Variants in BTRC observed in about 807,000 individuals in gnomAD.
The protein encoded by BTRC is F-box/WD repeat-containing protein 1A.
BTRC carries 42 observed loss-of-function variants against 85.5 expected under a neutral mutation model. The observed-to-expected ratio is 0.49, with a 90% CI of 0.38 to 0.64. The LOEUF is 0.64. Among genes scored for constraint, BTRC ranks in the 30% least tolerant of loss-of-function variants. The probability of loss-of-function intolerance (pLI) is 0.00; values close to 1 mark genes in which losing one functional copy is unlikely to be tolerated. For synonymous variants in BTRC, 255 were observed against 263.3 expected (o/e 0.97, Z 0.30); for missense variants, 594 against 743.5 (o/e 0.80, Z 2.34).
At chr10:101,429,399 T>C (rs1944339437) in intron 1 of BTRC, among the ~76,000 whole-genome samples, 1 of 152,146 alleles carries the variant, frequency 6.6e-6, no homozygotes, top group Non-Finnish European at 1.5e-5. Flanking sequence ...GAATATACCA[T>C]ATGTATTATA....
chr10:101,510,592 C>T (rs1386858392), intron 4 of BTRC, among the ~76,000 whole-genome samples: 1 of 152,008 alleles, frequency 6.6e-6, no homozygotes, highest in African/African-American at 2.4e-5. Context: ...ATAATATAGA[C>T]TTTTAAAAAA....
At chr10:101,471,491 G>C (rs1443567177) in intron 3 of BTRC, among the ~76,000 whole-genome samples, 2 of 152,090 alleles carry the variant, frequency 1.3e-5, no homozygotes, top group Non-Finnish European at 2.9e-5. Context: ...CTTGATTTTT[G>C]TTAAGAGTTT....
intron 1 of BTRC, among the ~76,000 whole-genome samples, chr10:101,412,609 A>G (rs1166932246): frequency 1.3e-5 from 2 of 152,204 alleles, no homozygotes; most frequent in East Asian, 1.9e-4. Flanking sequence ...CTCATATTAC[A>G]TATTTCTAAT....
upstream of BTRC, chr10:101,354,144 G>A: frequency 1.9e-6 from 3 of 1,547,992 alleles, no homozygotes; most frequent in Non-Finnish European, 2.6e-6. Flanking sequence ...CAAAGGGGCG[G>A]CCCCGGCGGA....
rs555048085 is a variant in BTRC, at chr10:101,511,545, T to TTTTTG, written c.325-10068_325-10064dup. On this transcript the variant is annotated intron_variant, in intron 4 of 14. Coordinates refer to ENST00000370187, the MANE Select transcript of BTRC (RefSeq NM_033637.4). ...CCCAGCTAATTTTTGTATTTTGGGT[T>TTTTTG]TTTTGTTTTGTTTTGTTTTGTTTTG... Among the ~76,000 whole-genome samples, 115 of 147,618 alleles carry TTTTTG rather than the reference T, an allele frequency of 7.8e-4. 1 individual carries two copies. The highest frequency in any genetic ancestry group is 2.2e-3 in the East Asian group (11 of 5,060).
intron 1 of BTRC, among the ~76,000 whole-genome samples, chr10:101,385,228 G>A (rs865993717): frequency 1.8e-4 from 27 of 151,192 alleles, no homozygotes; most frequent in Admixed American, 1.1e-3. Flanking sequence ...TTAGCCGGGC[G>A]TGGTGGCGGG....
intron 1 of BTRC, among the ~76,000 whole-genome samples, chr10:101,398,319 GT>G (rs1564747504): frequency 6.6e-6 from 1 of 150,764 alleles, no homozygotes; most frequent in Non-Finnish European, 1.5e-5. Flanking sequence ...TTCTTTTTTT[GT>G]TTTTTTGAGA....
At chr10:101,420,785 C>G (rs1007967392) in intron 1 of BTRC, among the ~76,000 whole-genome samples, 3 of 151,952 alleles carry the variant, frequency 2.0e-5, no homozygotes, top group African/African-American at 7.3e-5. Flanking sequence ...CTTGATGCCT[C>G]CTTTGCCTGT....
At chr10:101,501,161 C>T (rs1216709260) in intron 4 of BTRC, among the ~76,000 whole-genome samples, 1 of 150,150 alleles carries the variant, frequency 6.7e-6, no homozygotes, top group African/African-American at 2.5e-5. Flanking sequence ...GCACTCCAGC[C>T]TGGGCAACAG....
At chr10:101,525,416 C>CTGT in intron 5 of BTRC, among the ~76,000 whole-genome samples, 1 of 152,160 alleles carries the variant, frequency 6.6e-6, no homozygotes, top group South Asian at 2.1e-4. Flanking sequence ...TAAACCCATT[C>CTGT]TTGAACTTAA....
At position 101,533,030 on chromosome 10, in the gene BTRC, G is replaced by A; in HGVS notation, c.1057G>A (p.Glu353Lys). The change falls in exon 9 of 15, where the codon GAG becomes AAG. Residue 353 changes from glutamate (E) to lysine (K), a missense_variant. This residue lies in a region of BTRC where 373 missense variants were observed against 503.6 expected (regional missense o/e 0.74). Coordinates refer to ENST00000370187, the MANE Select transcript of BTRC (RefSeq NM_033637.4). The stretch of plus-strand genomic sequence containing the variant: ...TTCAGTCCTCTGTCTCCAGTATGAT[G>A]AGAGAGTGATCATAACAGGATCATC... ...TGSVLCLQYD[E>K]RVIITGSSDS... 2.5e-6 allele frequency: 4 copies of A among 1,613,460 alleles called. No individual in the cohort carries two copies. Among genetic ancestry groups the A allele is most frequent in the Non-Finnish European group, 3.4e-6 (4 of 1,179,576 alleles).
chr10:101,543,666 T>A (rs2062512053), intron 13 of BTRC, among the ~76,000 whole-genome samples: 1 of 152,088 alleles, frequency 6.6e-6, no homozygotes, highest in African/African-American at 2.4e-5. Flanking sequence ...GGTTCTTAGT[T>A]ATATCTCACT....
At chr10:101,401,946 T>C (rs904604117) in intron 1 of BTRC, among the ~76,000 whole-genome samples, 2 of 152,130 alleles carry the variant, frequency 1.3e-5, no homozygotes, top group Non-Finnish European at 2.9e-5. Flanking sequence ...TAGAAAAATT[T>C]GGTTATTGTC....
rs60661364 is a variant in BTRC, at chr10:101,407,728, C to CTT, written c.49-22605_49-22604dup. Among the ~76,000 whole-genome samples, 184 of 138,336 alleles carry CTT rather than the reference C, an allele frequency of 1.3e-3. 2 individuals are homozygous for CTT. Among genetic ancestry groups the CTT allele is most frequent in the Middle Eastern group, 8.3e-3 (2 of 242 alleles). The allele number at this position is 138,336 out of a possible 152,430, so 90.8% of individuals were successfully genotyped here. A position where few individuals can be genotyped will look rare whatever the true frequency, so the allele number is the denominator to read the frequency against. On this transcript the variant is annotated intron_variant, in intron 1 of 14. Transcript: ENST00000370187. ...TTTAAACATTAATTTTTTTCTTTTT[C>CTT]TTTTTTTTTTTTTGTGAGACAGTCT...
intron 3 of BTRC, among the ~76,000 whole-genome samples, chr10:101,472,989 G>A (rs1589516097): frequency 6.6e-6 from 1 of 151,946 alleles, no homozygotes; most frequent in South Asian, 2.1e-4. Context: ...TCAGAAAGCC[G>A]CTAGTTTTCA....
chr10:101,479,208 CCCT>C (rs61011895), intron 3 of BTRC, among the ~76,000 whole-genome samples, 157 bp from the exon 4 acceptor site: 56,076 of 151,896 alleles, frequency 0.37, 11,523 homozygotes, highest in Middle Eastern at 0.49. Flanking sequence ...TCTATCTTTG[CCCT>C]CCTCCTTTTC....
At position 101,531,449 on chromosome 10, in the gene BTRC, A is replaced by G. The variant is rs983230889; in HGVS notation, c.840+116A>G. Reference sequence around the variant, plus strand: ...GTTTATTGACATGAGTTGGGAATCAATCTCTTAGCTGGCCATGGTGGCTCA... The same window carrying G: ...GTTTATTGACATGAGTTGGGAATCAGTCTCTTAGCTGGCCATGGTGGCTCA... On this transcript the variant is annotated intron_variant, in intron 7 of 14. Coordinates refer to ENST00000370187, the MANE Select transcript of BTRC (RefSeq NM_033637.4). 8 of 760,456 alleles carry G rather than the reference A, an allele frequency of 1.1e-5. No homozygotes were observed. The East Asian group carries it at 2.0e-4, about 19-fold the overall frequency. 47.1% of individuals were successfully genotyped at this position (760,456 alleles called of 1,614,324 possible). A position where few individuals can be genotyped will look rare whatever the true frequency, so the allele number is the denominator to read the frequency against.
At chr10:101,502,094 A>G (rs546361488) in intron 4 of BTRC, among the ~76,000 whole-genome samples, 6 of 152,262 alleles carry the variant, frequency 3.9e-5, no homozygotes, top group African/African-American at 4.8e-5. Context: ...TTTTCTGCCT[A>G]TTTCTGAGAG....
In BTRC at chr10:101,454,731, A is replaced by G. The variant is rs142003106; in HGVS notation, c.157-7250A>G. On this transcript the variant is annotated intron_variant, in intron 2 of 14. Coordinates refer to ENST00000370187, the MANE Select transcript of BTRC (RefSeq NM_033637.4). ...CAGGAGTTGGAGGTTACAAGGAGCT[A>G]TGATCATGTCATTACACTCCAGCCT... is the stretch of plus-strand genomic sequence containing the variant. Among the ~76,000 whole-genome samples, 549 of 152,300 alleles carry G rather than the reference A, an allele frequency of 3.6e-3. 1 individual carries two copies. The highest frequency in any genetic ancestry group is 0.017 in the Middle Eastern group (5 of 292).
Sources: gnomAD v4.1 joint callset for allele counts (sites outside exome capture counted in the v4.1 genomes callset) on GRCh38, gnomAD v4.1.1 for gene constraint, gnomAD v4.1.1 regional missense constraint, MANE v1.5 for transcripts, NCBI Gene and HGNC (gene_info 2026-07-23, HGNC 2026-07-21) for gene names.